PMS2: variants seen among roughly 807,000 people sequenced by gnomAD.
PMS2 encodes the protein PMS1 homolog 2, mismatch repair system component.
PMS2 carries 69 observed loss-of-function variants against 90.0 expected under a neutral mutation model. That is an observed-to-expected ratio of 0.77 (90% CI 0.63 to 0.94). The LOEUF (loss-of-function observed/expected upper bound fraction) is 0.94, where lower values mean the gene tolerates loss of function less well. Among genes scored for constraint, PMS2 ranks in the 40% least tolerant of loss-of-function variants. The pLI, the probability that PMS2 is intolerant of heterozygous loss-of-function variation, is 0.00. For missense variants in PMS2, 966 were observed against 1,040.2 expected, an observed-to-expected ratio of 0.93 and a Z score of 0.98; for synonymous variants, 332 against 375.1, an observed-to-expected ratio of 0.89 and a Z score of 1.33.
chr7:6,005,844 C>T (rs2128842831), intron 2 of PMS2, 48 bp downstream of exon 2: 3 of 1,609,212 alleles, frequency 1.9e-6, no homozygotes, highest in Admixed American at 1.7e-5. Context: ...TTAACTACAA[C>T]AACATTCACA....
At chr7:5,999,875 A>T (rs2128805467) in intron 5 of PMS2, among the ~76,000 whole-genome samples, 1 of 152,290 alleles carries the variant, frequency 6.6e-6, no homozygotes, top group Non-Finnish European at 1.5e-5. Flanking sequence ...TCTTCGTATA[A>T]TAGAAACACT....
chr7:5,991,730 T>C (rs926494222), intron 9 of PMS2, among the ~76,000 whole-genome samples: 1 of 151,908 alleles, frequency 6.6e-6, no homozygotes, highest in Non-Finnish European at 1.5e-5. Context: ...TCCCAGCTAC[T>C]TGGGAGGCTG....
At position 5,977,693 on chromosome 7, in the gene PMS2, G is replaced by A. The variant is rs142230276; in HGVS notation, c.2340C>T (p.Pro780=). 310 of 1,605,516 alleles carry A rather than the reference G, an allele frequency of 1.9e-4. 5 individuals are homozygous for A. In the African/African-American group the frequency reaches 3.9e-3, roughly 20 times the overall value. Residue 780 remains proline, a synonymous_variant, in exon 14 of 15, where the codon CCC becomes CCT. Coordinates refer to ENST00000265849, the MANE Select transcript of PMS2 (RefSeq NM_000535.7). ...LPTSKNWTFG[P]QDVDELIFML... Reference sequence around the variant, plus strand: ...TGAAGATCAGTTCATCGACGTCCTGGGGTCCGAAGGTCCAGTTTTTACTAG... The same window carrying A: ...TGAAGATCAGTTCATCGACGTCCTGAGGTCCGAAGGTCCAGTTTTTACTAG...
At position 5,995,742 on chromosome 7, in the gene PMS2, T is replaced by C. The variant is rs570992159; in HGVS notation, c.804-109A>G. On this transcript the variant is annotated intron_variant, in intron 7 of 14. Coordinates refer to ENST00000265849, the MANE Select transcript of PMS2 (RefSeq NM_000535.7). ...AATGAAAACAAAACACCAGGTGACA[T>C]GCTGATAAGGATCACTATTGCAGTT... is the stretch of plus-strand genomic sequence containing the variant. 670 of 801,140 alleles carry C rather than the reference T, an allele frequency of 8.4e-4. 6 individuals are homozygous for C. Among genetic ancestry groups the C allele is most frequent in the South Asian group, 2.1e-3 (150 of 72,470 alleles). 49.6% of individuals were successfully genotyped at this position (801,140 alleles called of 1,614,324 possible). A position where few individuals can be genotyped will look rare whatever the true frequency, so the allele number is the denominator to read the frequency against.
chr7:6,002,857 T>C (rs1785257882), intron 4 of PMS2, among the ~76,000 whole-genome samples: 1 of 152,236 alleles, frequency 6.6e-6, no homozygotes, highest in South Asian at 2.1e-4. Flanking sequence ...TTTGCTTTGA[T>C]AAAAGCTTTG....
At chr7:6,003,481 C>T (rs6463526) in intron 4 of PMS2, 357,925 of 569,610 alleles carry the variant, frequency 0.63, 114,276 homozygotes, top group East Asian at 0.8. Context: ...GGGTAACCAT[C>T]TTTTTAACAA....
At chr7:5,995,397 T>A in intron 8 of PMS2, 137 bp downstream of exon 8, 1 of 688,846 alleles carries the variant, frequency 1.5e-6, no homozygotes, top group East Asian at 2.7e-5. Context: ...CTTCTGTAAA[T>A]GCACAAAATA....
At chr7:6,002,672 G>A (rs1384214095) in intron 4 of PMS2, 36 bp from the exon 5 acceptor site, 1 of 1,538,990 alleles carries the variant, frequency 6.5e-7, no homozygotes, top group Non-Finnish European at 9.0e-7. Context: ...TGTTCAGTGA[G>A]AGACCCATGA....
chr7:5,989,973 A>G lies in PMS2; in HGVS notation c.989-18T>C, dbSNP rs1454421233. 1.3e-6 allele frequency: 2 copies of G among 1,499,548 alleles called. No homozygotes were observed. The highest frequency in any genetic ancestry group is 4.6e-5 in the East Asian group (2 of 43,808). The allele number at this position is 1,499,548 out of a possible 1,614,324, so 92.9% of individuals were successfully genotyped here. On this transcript the variant is annotated intron_variant, in intron 9 of 14. Coordinates refer to ENST00000265849, the MANE Select transcript of PMS2 (RefSeq NM_000535.7). ...AACGCATTCTAAGGCAAAAAAGAAAACATATTTATTATGTTTAAATTCACT... is the reference window on the plus strand; with the variant it reads ...AACGCATTCTAAGGCAAAAAAGAAAGCATATTTATTATGTTTAAATTCACT...
At chr7:5,989,980 T>C (rs1351413177) in intron 9 of PMS2, 25 bp from the exon 10 acceptor site, 1 of 1,408,746 alleles carries the variant, frequency 7.1e-7, no homozygotes, top group African/African-American at 1.4e-5. Context: ...AAAACATATT[T>C]ATTATGTTTA....
chr7:5,981,973 T>C (rs192135193), intron 12 of PMS2, among the ~76,000 whole-genome samples: 256 of 152,154 alleles, frequency 1.7e-3, no homozygotes, highest in African/African-American at 6.0e-3. Context: ...TGAATACTTA[T>C]GGAAAAATAC....
At chr7:5,991,538 A>G (rs1169594791) in intron 9 of PMS2, among the ~76,000 whole-genome samples, 1 of 106,976 alleles carries the variant, frequency 9.3e-6, no homozygotes, top group African/African-American at 3.4e-5. Flanking sequence ...AACTCTGTTT[A>G]AAAAAAAAAA....
intron 11 of PMS2, among the ~76,000 whole-genome samples, chr7:5,986,518 CCT>C (rs919577325): frequency 5.3e-5 from 8 of 151,956 alleles, no homozygotes; most frequent in Non-Finnish European, 1.2e-4. Context: ...ATGGTGAAAC[CCT>C]GTTTCCACCA....
intron 11 of PMS2, 46 bp downstream of exon 11, chr7:5,986,713 A>G (rs1189891020): frequency 7.2e-7 from 1 of 1,387,540 alleles, no homozygotes; most frequent in Non-Finnish European, 9.8e-7. Context: ...AAATAAAAAT[A>G]AAAATTTTAG....
At position 5,972,908 on chromosome 7, in the gene PMS2, A is replaced by G. The variant is rs1262782037; in HGVS notation, c.*491T>C. ...ACCCAGGCTGGAGCGCAGTGGCGCA[A>G]TCTCGGTTCACTGCAACCTCCGTCT... On this transcript the variant is annotated 3_prime_UTR_variant, in exon 15 of 15. Coordinates refer to ENST00000265849, the MANE Select transcript of PMS2 (RefSeq NM_000535.7). Among the ~76,000 whole-genome samples, 12 of 66,998 alleles carry G rather than the reference A, an allele frequency of 1.8e-4. 3 individuals carry two copies. The highest frequency in any genetic ancestry group is 3.4e-4 in the Non-Finnish European group (12 of 34,960). 44.0% of individuals were successfully genotyped at this position (66,998 alleles called of 152,430 possible).
intron 6 of PMS2, among the ~76,000 whole-genome samples, chr7:5,997,815 G>T (rs1267009013): frequency 6.6e-6 from 1 of 152,066 alleles, no homozygotes; most frequent in African/African-American, 2.4e-5. Context: ...ATTGTTGGCC[G>T]GGTGGTTCAA....
Position 5,997,392 on chromosome 7 carries a change from G to C in PMS2, c.737C>G (p.Pro246Arg), listed in dbSNP as rs1562670885. ...LQSLIPFVQL[P>R]PSDSVCEEYG... Reference sequence around the variant, plus strand: ...CTCTTCACACACGGAGTCACTAGGGGGCAGCTGAACAAAAGGAATGAGGCT... The same window carrying C: ...CTCTTCACACACGGAGTCACTAGGGCGCAGCTGAACAAAAGGAATGAGGCT... The change falls in exon 7 of 15, where the codon CCC (proline) becomes CGC (arginine). Residue 246 changes from proline (P) to arginine (R), a missense_variant. This residue lies in a region of PMS2 where 871 missense variants were observed against 802.4 expected (regional missense o/e 1.09). Coordinates refer to ENST00000265849, the MANE Select transcript of PMS2 (RefSeq NM_000535.7). The C allele has an allele frequency of 1.2e-6, 2 of 1,604,698 alleles. No individual in the cohort carries two copies. The highest frequency in any genetic ancestry group is 1.7e-5 in the Admixed American group (1 of 59,370).
chr7:5,992,981 G>A (rs542533319), intron 8 of PMS2, among the ~76,000 whole-genome samples: 2 of 152,292 alleles, frequency 1.3e-5, no homozygotes, highest in African/African-American at 4.8e-5. Context: ...ATTATTAATA[G>A]TTATAATTAA....
intron 8 of PMS2, among the ~76,000 whole-genome samples, chr7:5,994,540 G>A (rs564366489): frequency 7.3e-4 from 111 of 152,032 alleles, no homozygotes; most frequent in East Asian, 2.3e-3. Flanking sequence ...TTGGGAGGCC[G>A]AGGTGGGCGG....
Sources: gnomAD v4.1 joint callset for allele counts (sites outside exome capture counted in the v4.1 genomes callset) on GRCh38, gnomAD v4.1.1 for gene constraint, gnomAD v4.1.1 regional missense constraint, MANE v1.5 for transcripts, NCBI Gene and HGNC (gene_info 2026-07-23, HGNC 2026-07-21) for gene names.